The following EEF2 variants were observed in gnomAD, a reference collection of about 807,000 sequenced individuals.
EEF2 encodes eukaryotic translation elongation factor 2.
In EEF2, 21 loss-of-function variants were observed where a neutral mutation model predicts 85.3. That is an observed-to-expected ratio of 0.25 (90% CI 0.17 to 0.35). The LOEUF (loss-of-function observed/expected upper bound fraction) is 0.35, where lower values mean the gene tolerates loss of function less well. EEF2 is among the 10% of genes least tolerant of loss of function. The pLI, the probability that EEF2 is intolerant of heterozygous loss-of-function variation, is 1.00. For missense variants in EEF2, 825 were observed against 1,225.3 expected, an observed-to-expected ratio of 0.67 and a Z score of 4.88; for synonymous variants, 723 against 508.8, an observed-to-expected ratio of 1.42 and a Z score of -5.67.
chr19:3,983,750 T>C (rs1196604492), intron 2 of EEF2: 12 of 316,762 alleles, frequency 3.8e-5, no homozygotes, highest in Admixed American at 9.2e-5. Context: ...CCCCTACTCA[T>C]ATCGGGGCCA....
At chr19:3,978,308 A>G in intron 11 of EEF2, 136 bp from the exon 12 acceptor site, 1 of 720,968 alleles carries the variant, frequency 1.4e-6, no homozygotes, top group Non-Finnish European at 2.1e-6. Flanking sequence ...AACGAAGCGG[A>G]GTCAGTGTTG....
chr19:3,979,670 C>T, intron 10 of EEF2, 138 bp downstream of exon 10: 1 of 1,357,390 alleles, frequency 7.4e-7, no homozygotes, highest in Non-Finnish European at 1.0e-6. Context: ...TCTCCATTTA[C>T]AGCCACAGCC....
chr19:3,980,473 G>T, intron 9 of EEF2, 41 bp downstream of exon 9: 2 of 1,584,438 alleles, frequency 1.3e-6, no homozygotes, highest in East Asian at 2.2e-5. Flanking sequence ...GGCAGGGCCC[G>T]CAACAGTGCC....
At position 3,977,657 on chromosome 19, in the gene EEF2, T is replaced by C; in HGVS notation, c.2068-47A>G. 4 of 1,477,532 alleles carry C rather than the reference T, an allele frequency of 2.7e-6. No individual in the cohort carries two copies. The highest frequency in any genetic ancestry group is 3.6e-6 in the Non-Finnish European group (4 of 1,120,052). 91.5% of individuals were successfully genotyped at this position (1,477,532 alleles called of 1,614,324 possible). On this transcript the variant is annotated intron_variant, in intron 12 of 14. Coordinates refer to ENST00000309311, the MANE Select transcript of EEF2 (RefSeq NM_001961.4). The surrounding 1 kb of genome is among the most constrained non-coding windows in gnomAD (Gnocchi z 5.4). ...CGTCAAGGGCCGGACACACCTCGGC[T>C]GCTTGCCCTCCACCTGCCAAGTCCT...
intron 5 of EEF2, 94 bp from the exon 6 acceptor site, chr19:3,982,146 G>T: frequency 6.3e-7 from 1 of 1,594,946 alleles, no homozygotes. Flanking sequence ...GGCAAGACCT[G>T]GTGGGCTTGA....
Position 3,982,040 on chromosome 19 carries a change from T to G in EEF2, c.804A>C (p.Pro268=). ...KKLWGDRYFD[P]ANGKFSKSAT... is the part of the protein sequence containing the mutation. ...CTGACTTGCTGAACTTGCCGTTGGC[T>G]GGGTCAAAGTACCTGGCAAGGAGAG... The change falls in exon 6 of 15, where the codon CCA becomes CCC. Residue 268 remains proline, a synonymous_variant. Transcript: ENST00000309311. The G allele has an allele frequency of 6.2e-7, 1 of 1,614,154 alleles. No individual in the cohort carries two copies.
At position 3,976,626 on chromosome 19, in the gene EEF2, C is replaced by T. The variant is rs1313890303; in HGVS notation, c.2505G>A (p.Val835=). 1 of 1,610,580 alleles carries T rather than the reference C, an allele frequency of 6.2e-7. No homozygotes were observed. Among genetic ancestry groups the T allele is most frequent in the Non-Finnish European group, 8.5e-7 (1 of 1,178,812 alleles). The part of the protein sequence containing the change: ...FDNSSRPSQV[V]AETRKRKGLK... ...GGCCCTTGCGCTTGCGGGTCTCCGC[C>T]ACCACCTGGCTGGGGCGGCTGCTGT... Residue 835 remains valine (V), a synonymous_variant, in exon 15 of 15, where the codon GTG becomes GTA. Coordinates refer to ENST00000309311, the MANE Select transcript of EEF2 (RefSeq NM_001961.4).
intron 11 of EEF2, 39 bp downstream of exon 11, chr19:3,979,290 G>A (rs763109737): frequency 2.3e-5 from 36 of 1,542,572 alleles, no homozygotes; most frequent in South Asian, 7.8e-5. Flanking sequence ...GCAGGTGTCC[G>A]GGGTGGGGCG....
chr19:3,979,593 G>A (rs2039720342), intron 10 of EEF2, 157 bp from the exon 11 acceptor site: 1 of 923,438 alleles, frequency 1.1e-6, no homozygotes, highest in African/African-American at 1.7e-5. Context: ...GAAATGTTAA[G>A]TCCCACAAGC....
chr19:3,984,107 C>T, intron 2 of EEF2, 29 bp downstream of exon 2: 1 of 1,606,226 alleles, frequency 6.2e-7, no homozygotes, highest in Non-Finnish European at 8.5e-7. Context: ...CACCTCCCTG[C>T]CTGGGTACAG....
At chr19:3,985,173 C>A (rs1211868736) in intron 1 of EEF2, 1 of 496,562 alleles carries the variant, frequency 2.0e-6, no homozygotes, top group East Asian at 3.5e-5. Context: ...AAGGTTATGG[C>A]GCCCTCGGAA....
rs891590319 is a variant in EEF2 at position 3,980,392 on chromosome 19, A to C, written c.1346+122T>G. ...AAGAACAAAAGTTGTGGCTGGCACA[A>C]GTATCACCCTATATTCCTTCTATGC... On this transcript the variant is annotated intron_variant, in intron 9 of 14. Coordinates refer to ENST00000309311, the MANE Select transcript of EEF2 (RefSeq NM_001961.4). 11 of 1,266,880 alleles carry C rather than the reference A, an allele frequency of 8.7e-6. 1 individual carries two copies. The Middle Eastern group carries it at 1.4e-3, about 160-fold the overall frequency. The allele number at this position is 1,266,880 out of a possible 1,614,324, so 78.5% of individuals were successfully genotyped here.
In EEF2 at chr19:3,977,523, C is replaced by T. The variant is rs1233084701; in HGVS notation, c.2155G>A (p.Gly719Ser). Residue 719 changes from glycine (G) to serine (S), a missense_variant, in exon 13 of 15, where the codon GGC becomes AGC. By Grantham distance (56) the Gly-to-Ser change is moderately conservative. Transcript: ENST00000309311. This position sits in a 1 kb window ranked among gnomAD's most constrained non-coding sequence, Gnocchi z 5.4. ...CGCCGTGCTGTGGGGATGATCTGGC[C>T]CCCTCCGCGGTGGATGGCGTCGGCG... is the stretch of plus-strand genomic sequence containing the variant. The part of the protein sequence containing the change: ...LHADAIHRGG[G>S]QIIPTARRCL... 6.3e-7 allele frequency: 1 copy of T among 1,590,976 alleles called. No individual in the cohort carries two copies. Among genetic ancestry groups the T allele is most frequent in the African/African-American group, 1.3e-5 (1 of 74,728 alleles).
At chr19:3,985,283 T>A in intron 1 of EEF2, 95 bp downstream of exon 1, 1 of 1,290,744 alleles carries the variant, frequency 7.7e-7, no homozygotes, top group Non-Finnish European at 1.0e-6. Context: ...CGTCTCCTCC[T>A]GGCACGGGGG....
chr19:3,981,493 C>G, intron 6 of EEF2, 41 bp from the exon 7 acceptor site: 1 of 1,580,448 alleles, frequency 6.3e-7, no homozygotes, highest in Middle Eastern at 1.7e-4. Context: ...CATTTGGGAA[C>G]AGCAGGAGGA....
At chr19:3,985,224 G>A (rs2039805089) in intron 1 of EEF2, 154 bp downstream of exon 1, 1 of 806,786 alleles carries the variant, frequency 1.2e-6, no homozygotes, top group Non-Finnish European at 1.7e-6. Context: ...GCACAGACAT[G>A]GCGGCGGCCG....
chr19:3,982,302 C>T lies in EEF2; in HGVS notation c.735G>A (p.Gly245=). The T allele has an allele frequency of 1.2e-6, 2 of 1,614,158 alleles. No individual in the cohort carries two copies. The highest frequency in any genetic ancestry group is 2.2e-5 in the South Asian group (2 of 91,088). The change falls in exon 5 of 15, where the codon GGG becomes GGA. Residue 245 remains glycine, a synonymous_variant. Coordinates refer to ENST00000309311, the MANE Select transcript of EEF2 (RefSeq NM_001961.4). ...KFAAKGEGQL[G]PAERAKKVED... is the part of the protein sequence containing the mutation. ...CTACTTTCTTGGCCCGCTCGGCAGGCCCCAACTGGCCCTCCCCCTTGGCGG... is the reference window on the plus strand; with the variant it reads ...CTACTTTCTTGGCCCGCTCGGCAGGTCCCAACTGGCCCTCCCCCTTGGCGG...
intron 6 of EEF2, 34 bp from the exon 7 acceptor site, chr19:3,981,486 T>G: frequency 6.3e-7 from 1 of 1,594,544 alleles, no homozygotes; most frequent in Middle Eastern, 1.7e-4. Flanking sequence ...GAAAGCCCAT[T>G]TGGGAACAGC....
chr19:3,982,153 T>C, intron 5 of EEF2, 93 bp downstream of exon 5: 2 of 1,600,112 alleles, frequency 1.2e-6, no homozygotes, highest in East Asian at 2.2e-5. Context: ...CCTGGTGGGC[T>C]TGAGCCACGC....
Sources: gnomAD v4.1 joint callset for allele counts on GRCh38, gnomAD v4.1.1 for gene constraint, Gnocchi (gnomAD v3.1) non-coding constraint, MANE v1.5 for transcripts, NCBI Gene and HGNC (gene_info 2026-07-23, HGNC 2026-07-21) for gene names.